The following MSH3 variants were observed in gnomAD, a reference collection of about 807,000 sequenced individuals.
The protein encoded by MSH3 is mutS homolog 3, also known as DNA mismatch repair protein Msh3.
MSH3 carries 106 observed loss-of-function variants against 123.3 expected under a neutral mutation model. The observed-to-expected ratio is 0.86, with a 90% CI of 0.73 to 1.01. The LOEUF is 1.01. Ranked by LOEUF, MSH3 falls within the 50% of genes least tolerant of loss-of-function variation. The pLI is 0.00. For synonymous variants in MSH3, 515 were observed against 481.4 expected (o/e 1.07, Z -0.91); for missense variants, 1,459 against 1,347.6 (o/e 1.08, Z -1.29).
chr5:80,673,194 C>G (rs1046732043), intron 6 of MSH3, among the ~76,000 whole-genome samples: 6 of 152,142 alleles, frequency 3.9e-5, no homozygotes, highest in Non-Finnish European at 7.4e-5. Context: ...TGCTTAGGGC[C>G]TACAAGCTCC....
intron 19 of MSH3, among the ~76,000 whole-genome samples, chr5:80,794,445 A>G (rs537453861): frequency 2.6e-5 from 4 of 152,316 alleles, no homozygotes; most frequent in Admixed American, 1.3e-4. Context: ...ACTAGTCCAG[A>G]AGAGGGCTCA....
chr5:80,654,889 T>TGCAGCGGCC lies in MSH3; in HGVS notation c.178_186dup (p.Ala60_Ala62dup), dbSNP rs758960105. The stretch of plus-strand genomic sequence containing the variant: ...AGGTGGACCCTGGCGCTGCAGCGGC[T>TGCAGCGGCC]GCAGCGGCCGCAGCGGCCGCAGCGC... On this transcript the variant is annotated inframe_insertion, in exon 1 of 24. Transcript: ENST00000265081. 2,119 of 824,348 alleles carry TGCAGCGGCC rather than the reference T, an allele frequency of 2.6e-3. 23 individuals are homozygous for TGCAGCGGCC. Among genetic ancestry groups the TGCAGCGGCC allele is most frequent in the East Asian group, 6.0e-3 (195 of 32,250 alleles). 51.1% of individuals were successfully genotyped at this position (824,348 alleles called of 1,614,324 possible).
chr5:80,860,020 AT>A (rs1745988770), intron 21 of MSH3, among the ~76,000 whole-genome samples: 1 of 152,112 alleles, frequency 6.6e-6, no homozygotes, highest in Admixed American at 6.6e-5. Flanking sequence ...TAATGCACGT[AT>A]TTTTTAATAA....
chr5:80,791,014 T>A (rs1744597591), intron 18 of MSH3, among the ~76,000 whole-genome samples: 2 of 152,206 alleles, frequency 1.3e-5, no homozygotes, highest in Admixed American at 1.3e-4. Flanking sequence ...GTTATTCTCG[T>A]CCAGTTAGTC....
intron 19 of MSH3, among the ~76,000 whole-genome samples, chr5:80,806,359 A>C (rs1402933146): frequency 6.6e-6 from 1 of 152,236 alleles, no homozygotes; most frequent in East Asian, 1.9e-4. Flanking sequence ...GGCCTCCCAA[A>C]GTGCTGGGAT....
chr5:80,734,223 C>T (rs1242196261), intron 10 of MSH3, among the ~76,000 whole-genome samples: 1 of 152,082 alleles, frequency 6.6e-6, no homozygotes, highest in Non-Finnish European at 1.5e-5. Flanking sequence ...TGTCTGATTC[C>T]ATTTATATGA....
At chr5:80,797,121 G>A (rs1195035459) in intron 19 of MSH3, among the ~76,000 whole-genome samples, 11 of 136,988 alleles carry the variant, frequency 8.0e-5, no homozygotes. Flanking sequence ...GCTTGTTCAA[G>A]TCTTGCCTTG....
intron 12 of MSH3, 68 bp from the exon 13 acceptor site, chr5:80,761,478 A>G: frequency 1.3e-6 from 2 of 1,576,564 alleles, no homozygotes; most frequent in East Asian, 2.2e-5. Context: ...CCTGGGCATT[A>G]GAGTGGGAAA....
Position 80,654,962 on chromosome 5 carries a change from A to G in MSH3, c.235A>G (p.Ile79Val), listed in dbSNP as rs1650697. 0.77 allele frequency: 1,136,219 copies of G among 1,473,312 alleles called. 441,703 individuals carry two copies. Among genetic ancestry groups the G allele is most frequent in the African/African-American group, 0.92 (63,329 of 68,922 alleles). The allele number at this position is 1,473,312 out of a possible 1,614,324, so 91.3% of individuals were successfully genotyped here. Residue 79 changes from isoleucine (I) to valine (V), a missense_variant and splice_region_variant, in exon 1 of 24, where the codon ATA becomes GTA. Transcript: ENST00000265081. ...PAFPPQLPPH[I>V]ATEIDRRKKR... Reference sequence around the variant, plus strand: ...CTTCCCGCCCCAGCTGCCGCCGCACATAGTAGGTTCTGTCTGGGACTGGGC... The same window carrying G: ...CTTCCCGCCCCAGCTGCCGCCGCACGTAGTAGGTTCTGTCTGGGACTGGGC...
chr5:80,771,636 G>T (rs1365851940), intron 15 of MSH3, among the ~76,000 whole-genome samples: 1 of 152,086 alleles, frequency 6.6e-6, no homozygotes, highest in Non-Finnish European at 1.5e-5. Context: ...ATGCCTTTCT[G>T]TTCTGACATT....
intron 20 of MSH3, among the ~76,000 whole-genome samples, chr5:80,831,128 T>C (rs1745409591): frequency 6.6e-6 from 1 of 152,186 alleles, no homozygotes; most frequent in Admixed American, 6.5e-5. Flanking sequence ...TTTAAAATAA[T>C]AAGTCAGGGA....
intron 17 of MSH3, among the ~76,000 whole-genome samples, chr5:80,784,393 G>A (rs1376837210): frequency 2.6e-5 from 4 of 151,774 alleles, no homozygotes; most frequent in Admixed American, 6.6e-5. Context: ...AAACTAGAGA[G>A]CATTTTATTT....
At chr5:80,675,462 G>C (rs575080965) in intron 7 of MSH3, among the ~76,000 whole-genome samples, 1 of 152,106 alleles carries the variant, frequency 6.6e-6, no homozygotes. Flanking sequence ...CAATCATGGC[G>C]AAAGGCGAAG....
At chr5:80,803,164 C>T (rs1580058983) in intron 19 of MSH3, among the ~76,000 whole-genome samples, 1 of 152,154 alleles carries the variant, frequency 6.6e-6, no homozygotes, top group South Asian at 2.1e-4. Flanking sequence ...TAACTCTTAT[C>T]CATAACAGTT....
At position 80,854,188 on chromosome 5, in the gene MSH3, G is replaced by A. The variant is rs1471719512; in HGVS notation, c.2872G>A (p.Asp958Asn). 1 of 1,613,718 alleles carries A rather than the reference G, an allele frequency of 6.2e-7. No individual in the cohort carries two copies. Among genetic ancestry groups the A allele is most frequent in the Non-Finnish European group, 8.5e-7 (1 of 1,179,836 alleles). Residue 958 changes from aspartate (D) to asparagine (N), a missense_variant, in exon 21 of 24, where the codon GAC becomes AAC. By Grantham distance (23) the Asp-to-Asn change is conservative. Transcript: ENST00000265081. ...GAGTACATTTATGGAAGAACTGACT[G>A]ACACAGCAGAAATAATCAGAAAAGC... ...GQSTFMEELTDTAEIIRKATS... is the reference protein window; with the variant it reads ...GQSTFMEELTNTAEIIRKATS...
intron 10 of MSH3, among the ~76,000 whole-genome samples, chr5:80,729,275 C>T (rs1169262045): frequency 2.0e-5 from 3 of 151,294 alleles, no homozygotes; most frequent in Admixed American, 1.3e-4. Flanking sequence ...ATTAGCCGGG[C>T]GTGGTGGTGG....
chr5:80,805,264 G>A (rs1365944293), intron 19 of MSH3, among the ~76,000 whole-genome samples: 6 of 152,042 alleles, frequency 3.9e-5, no homozygotes, highest in Non-Finnish European at 5.9e-5. Context: ...AGCCAAGAGC[G>A]TTAAAACTGG....
chr5:80,751,507 CA>C (rs1337494466), intron 12 of MSH3, among the ~76,000 whole-genome samples: 4 of 152,172 alleles, frequency 2.6e-5, no homozygotes, highest in Non-Finnish European at 5.9e-5. Flanking sequence ...TGAGGCCTAT[CA>C]GGGAGAATCT....
At position 80,854,198 on chromosome 5, in the gene MSH3, AAAT is replaced by A. The variant is rs752236141; in HGVS notation, c.2886_2888del (p.Ile963del). 7.4e-6 allele frequency: 12 copies of A among 1,613,914 alleles called. No homozygotes were observed. The highest frequency in any genetic ancestry group is 8.5e-6 in the Non-Finnish European group (10 of 1,179,868). On this transcript the variant is annotated inframe_deletion, in exon 21 of 24. Transcript: ENST00000265081. ...ATGGAAGAACTGACTGACACAGCAG[AAAT>A]AATCAGAAAAGCAACATCACAGTCC... is the stretch of plus-strand genomic sequence containing the variant.
Sources: gnomAD v4.1 joint callset for allele counts (sites outside exome capture counted in the v4.1 genomes callset) on GRCh38, gnomAD v4.1.1 for gene constraint, MANE v1.5 for transcripts, NCBI Gene and HGNC (gene_info 2026-07-23, HGNC 2026-07-21) for gene names.